Variants in TNMD observed in about 807,000 individuals in gnomAD.
The protein encoded by TNMD is BRICHOS domain containing 4.
In TNMD, 15 loss-of-function variants were observed where a neutral mutation model predicts 26.9. The ratio of observed to expected loss-of-function variants is 0.56; its 90% CI spans 0.37 to 0.86. The LOEUF (loss-of-function observed/expected upper bound fraction) is 0.86. Ranked by LOEUF, TNMD falls within the 40% of genes least tolerant of loss-of-function variation. TNMD has a pLI of 0.00. For synonymous variants in TNMD, 73 were observed against 77.0 expected (o/e 0.95, Z 0.27); for missense variants, 222 against 242.6 (o/e 0.92, Z 0.56).
At position 100,599,071 on chromosome X, in the gene TNMD, C is replaced by T. The variant is rs200098806; in HGVS notation, c.633C>T (p.Asn211=). The T allele has an allele frequency of 3.3e-5, 40 of 1,200,628 alleles. No homozygotes were observed. The highest frequency in any genetic ancestry group is 2.9e-4 in the South Asian group (16 of 54,953). ...GAGAAGATCTTCACTTTCCTGCCAA[C>T]GAAAAAAAAGGGATTGAACAAAATG... ...EEGEDLHFPA[N]EKKGIEQNEQ... The change falls in exon 6 of 7, where the codon AAC becomes AAT. Residue 211 remains asparagine (N), a synonymous_variant. Coordinates refer to ENST00000373031, the MANE Select transcript of TNMD (RefSeq NM_022144.3).
intron 2 of TNMD, among the ~76,000 whole-genome samples, chrX:100,591,625 T>C (rs150416400): frequency 7.7e-4 from 86 of 111,681 alleles, no homozygotes; most frequent in Admixed American, 1.3e-3. Context: ...ACACCTTTGA[T>C]AGTGGAATTC....
At chrX:100,589,043 A>G (rs1009635007) in intron 2 of TNMD, among the ~76,000 whole-genome samples, 2 of 111,632 alleles carry the variant, frequency 1.8e-5, no homozygotes, top group Admixed American at 9.5e-5. Flanking sequence ...TGAGTCCACT[A>G]TCATTCTAGG....
intron 4 of TNMD, among the ~76,000 whole-genome samples, chrX:100,595,449 CTCTTTCTT>C (rs3086928): frequency 9.4e-6 from 1 of 106,004 alleles, no homozygotes. Flanking sequence ...CTATAAAAAC[CTCTTTCTT>C]TCTTTCTTTC....
intron 4 of TNMD, among the ~76,000 whole-genome samples, chrX:100,595,404 C>T (rs1007131942): frequency 3.0e-4 from 33 of 110,599 alleles, no homozygotes; most frequent in African/African-American, 1.0e-3. Flanking sequence ...CATCAGCCAC[C>T]GCGCCCAGCC....
rs142786563 is a variant in TNMD, at chrX:100,592,059, A to G, written c.181-1836A>G. On this transcript the variant is annotated intron_variant, in intron 2 of 6. Transcript: ENST00000373031. ...CCCTAGTCTCTAACCTCATTTTTCC[A>G]TACAATAATCCATCAGTGGTGCTAC... Among the ~76,000 whole-genome samples the G allele has an allele frequency of 5.1e-3, 568 of 111,300 alleles. 5 individuals are homozygous for G. The highest frequency in any genetic ancestry group is 0.018 in the African/African-American group (546 of 30,594).
At chrX:100,591,812 A>G (rs2082938605) in intron 2 of TNMD, among the ~76,000 whole-genome samples, 1 of 111,977 alleles carries the variant, frequency 8.9e-6, no homozygotes, top group Admixed American at 9.4e-5. Context: ...TCTTTGCAGG[A>G]ATGTTGAAAA....
intron 2 of TNMD, among the ~76,000 whole-genome samples, chrX:100,590,006 T>A (rs1477179513): frequency 8.9e-6 from 1 of 112,055 alleles, no homozygotes; most frequent in African/African-American, 3.2e-5. Context: ...TTTTTCTTGT[T>A]GAAAAAGAAT....
rs1211363963 is a variant in TNMD, at chrX:100,593,884, T to G, written c.181-11T>G. On this transcript the variant is annotated splice_polypyrimidine_tract_variant and intron_variant, in intron 2 of 6. Transcript: ENST00000373031. ...GAGTATCTTAGAGATTGTTTTCCTC[T>G]GTTCTCCCAGGCCTATGACATGGAG... is the stretch of plus-strand genomic sequence containing the variant. 8.3e-7 allele frequency: 1 copy of G among 1,208,347 alleles called. No homozygotes were observed. Among genetic ancestry groups the G allele is most frequent in the South Asian group, 1.8e-5 (1 of 56,091 alleles).
chrX:100,599,027 C>T lies in TNMD; in HGVS notation c.589C>T (p.Gln197Ter). Residue 197 changes from glutamine to a stop codon, truncating the protein, a stop_gained, in exon 6 of 7, where the codon CAA (glutamine) becomes TAA (stop). Transcript: ENST00000373031. LOFTEE classifies it high-confidence loss of function. ...ATTTATTATCTTAGTTTCTGAGTTA[C>T]AAGACTTTGAGGAGGAGGGAGAAGA... is the stretch of plus-strand genomic sequence containing the variant. The part of the protein sequence containing the change: ...NPTLISVSEL[Q>*]DFEEEGEDLH... The T allele has an allele frequency of 8.4e-7, 1 of 1,195,294 alleles. No homozygotes were observed. The highest frequency in any genetic ancestry group is 1.1e-6 in the Non-Finnish European group (1 of 887,743).
In TNMD at chrX:100,588,305, GACACACAC is replaced by G. The variant is rs772320493; in HGVS notation, c.180+2957_180+2964del. ...ACACGCACAGACTCACACACACACA[GACACACAC>G]ACACACACACACAGACCAGAGAGAG... On this transcript the variant is annotated intron_variant, in intron 2 of 6. Transcript: ENST00000373031. Among the ~76,000 whole-genome samples, 109 of 106,648 alleles carry G rather than the reference GACACACAC, an allele frequency of 1.0e-3. 1 individual carries two copies. In the East Asian group the frequency reaches 0.028, roughly 28 times the overall value. 92.6% of individuals were successfully genotyped at this position (106,648 alleles called of 115,157 possible). A position where few individuals can be genotyped will look rare whatever the true frequency, so the allele number is the denominator to read the frequency against.
chrX:100,593,564 G>A (rs772317648), intron 2 of TNMD: 6 of 187,957 alleles, frequency 3.2e-5, no homozygotes, highest in Non-Finnish European at 5.1e-5. Context: ...TGAATTTCAC[G>A]GGTGAGGGGC....
chrX:100,593,551 T>C (rs2082944045), intron 2 of TNMD: 5 of 204,533 alleles, frequency 2.4e-5, no homozygotes, highest in Non-Finnish European at 3.7e-5. Flanking sequence ...TTCTAAGCCC[T>C]AATGAATTTC....
intron 2 of TNMD, among the ~76,000 whole-genome samples, chrX:100,588,671 G>A (rs1222812093): frequency 8.9e-6 from 1 of 112,049 alleles, no homozygotes; most frequent in Non-Finnish European, 1.9e-5. Context: ...CAACTCCTCA[G>A]CTAATTAATC....
chrX:100,586,930 A>G (rs918636376), intron 2 of TNMD, among the ~76,000 whole-genome samples: 1 of 112,088 alleles, frequency 8.9e-6, no homozygotes, highest in Non-Finnish European at 1.9e-5. Context: ...TGAACCTTGG[A>G]TCCTCTTGAA....
At chrX:100,597,363 A>G (rs2082955772) in intron 4 of TNMD, 141 bp from the exon 5 acceptor site, 1 of 693,457 alleles carries the variant, frequency 1.4e-6, no homozygotes, top group Non-Finnish European at 2.1e-6. Flanking sequence ...ACTGAATGCA[A>G]GGCACAGAGC....
At position 100,599,182 on chromosome X, in the gene TNMD, T is replaced by C. The variant is rs1207248471; in HGVS notation, c.744T>C (p.Tyr248=). The change falls in exon 6 of 7, where the codon TAT becomes TAC. Residue 248 remains tyrosine (Y), a splice_region_variant and synonymous_variant. Coordinates refer to ENST00000373031, the MANE Select transcript of TNMD (RefSeq NM_022144.3). ...ASEEELPIND[Y]TENGIEFDPM... ...AGGAAGAACTTCCAATAAATGACTA[T>C]GTGAGTTATGTTTATGTAAACTCTT... is the stretch of plus-strand genomic sequence containing the variant. 1 of 1,174,587 alleles carries C rather than the reference T, an allele frequency of 8.5e-7. No individual in the cohort carries two copies. The highest frequency in any genetic ancestry group is 3.0e-5 in the East Asian group (1 of 33,064).
Position 100,594,269 on chromosome X carries a change from T to G in TNMD, c.330T>G (p.Thr110=). Residue 110 remains threonine (T), a synonymous_variant, in exon 4 of 7, where the codon ACT becomes ACG. Transcript: ENST00000373031. ...LEVHDFKNGY[T]GIYFVGLQKC... is the part of the protein sequence containing the mutation. ...TTTTGTCTGTTTTATAGGGATACAC[T>G]GGCATCTACTTCGTGGGTCTTCAAA... The G allele has an allele frequency of 4.2e-6, 5 of 1,189,322 alleles. No individual in the cohort carries two copies. Among genetic ancestry groups the G allele is most frequent in the Non-Finnish European group, 5.7e-6 (5 of 880,163 alleles).
intron 2 of TNMD, chrX:100,593,550 C>A: frequency 5.1e-6 from 1 of 195,777 alleles, no homozygotes; most frequent in Non-Finnish European, 7.9e-6. Context: ...TTTCTAAGCC[C>A]TAATGAATTT....
In TNMD at chrX:100,597,563, G is replaced by A. The variant is rs1182527931; in HGVS notation, c.483G>A (p.Lys161=). ...CAGTGATTTGGGTCCCAGCAGAAAA[G>A]CCTATTGAAAACCGAGATTTTCTTA... The part of the protein sequence containing the change: ...EQSVIWVPAE[K]PIENRDFLKN... The change falls in exon 5 of 7, where the codon AAG becomes AAA. Residue 161 remains lysine, a synonymous_variant. Coordinates refer to ENST00000373031, the MANE Select transcript of TNMD (RefSeq NM_022144.3). 2.5e-6 allele frequency: 3 copies of A among 1,211,333 alleles called. No individual in the cohort carries two copies. The highest frequency in any genetic ancestry group is 3.5e-5 in the South Asian group (2 of 56,960).
Sources: allele counts gnomAD v4.1 joint callset (sites outside exome capture counted in the v4.1 genomes callset), GRCh38; gene constraint gnomAD v4.1.1; transcripts MANE v1.5; gene names NCBI Gene and HGNC (gene_info 2026-07-23, HGNC 2026-07-21).